Variants in ANKFY1 observed in about 807,000 individuals in gnomAD.
The protein encoded by ANKFY1 is ankyrin repeat and FYVE domain containing 1.
In ANKFY1, 47 loss-of-function variants were observed where a neutral mutation model predicts 128.3. The ratio of observed to expected loss-of-function variants is 0.37; its 90% CI spans 0.29 to 0.47. ANKFY1 has a LOEUF of 0.47. Ranked by LOEUF, ANKFY1 falls within the 20% of genes least tolerant of loss-of-function variation. ANKFY1 has a pLI of 1.00. For synonymous variants in ANKFY1, 553 were observed against 601.6 expected (o/e 0.92, Z 1.18); for missense variants, 1,222 against 1,510.6 (o/e 0.81, Z 3.17).
intron 3 of ANKFY1, chr17:4,222,843 C>A: frequency 1.0e-6 from 1 of 958,914 alleles, no homozygotes; most frequent in Non-Finnish European, 1.7e-6. Flanking sequence ...AGGGTTGTCT[C>A]AGCCATCCAC....
At chr17:4,186,119 G>A (rs1012037279) in intron 11 of ANKFY1, among the ~76,000 whole-genome samples, 1 of 152,096 alleles carries the variant, frequency 6.6e-6, no homozygotes, top group African/African-American at 2.4e-5. Context: ...GAAAACACAC[G>A]TATGCACACA....
At chr17:4,240,064 C>CTT (rs11290920) in intron 2 of ANKFY1, among the ~76,000 whole-genome samples, 78 of 114,234 alleles carry the variant, frequency 6.8e-4, no homozygotes, top group African/African-American at 2.0e-3. Flanking sequence ...ATTAGCATGC[C>CTT]TTTTTTTTTT....
chr17:4,170,270 TA>T (rs2059292130), intron 23 of ANKFY1, among the ~76,000 whole-genome samples: 1 of 151,904 alleles, frequency 6.6e-6, no homozygotes, highest in Admixed American at 6.5e-5. Flanking sequence ...CAGGGAAGAG[TA>T]AAGATTCACA....
chr17:4,203,839 A>G (rs2059976792), intron 7 of ANKFY1, among the ~76,000 whole-genome samples: 1 of 142,828 alleles, frequency 7.0e-6, no homozygotes, highest in Admixed American at 7.2e-5. Context: ...AAAAAAAAAA[A>G]AAAAAGAAAG....
intron 11 of ANKFY1, 29 bp from the exon 12 acceptor site, chr17:4,185,075 A>G: frequency 6.3e-7 from 1 of 1,589,754 alleles, no homozygotes; most frequent in Non-Finnish European, 8.6e-7. Flanking sequence ...CCGAAATCTG[A>G]GCACTCACAG....
At chr17:4,202,640 T>A (rs1464239293) in intron 7 of ANKFY1, among the ~76,000 whole-genome samples, 1 of 131,102 alleles carries the variant, frequency 7.6e-6, no homozygotes, top group Non-Finnish European at 1.5e-5. Flanking sequence ...GAGCTTGCAG[T>A]GAGTCGAGAT....
chr17:4,191,311 C>T (rs139135689), intron 10 of ANKFY1: 8 of 150,428 alleles, frequency 5.3e-5, no homozygotes, highest in South Asian at 2.1e-4. Flanking sequence ...AATCTGGAGA[C>T]GCCTAGTTGA....
At position 4,263,925 on chromosome 17, in the gene ANKFY1, A is replaced by T. The variant is rs757791722; in HGVS notation, c.10+7T>A. 1.2e-6 allele frequency: 2 copies of T among 1,613,696 alleles called. No homozygotes were observed. Among genetic ancestry groups the T allele is most frequent in the African/African-American group, 2.7e-5 (2 of 74,890 alleles). On this transcript the variant is annotated splice_region_variant and intron_variant, in intron 1 of 24. Coordinates refer to ENST00000341657, the MANE Select transcript of ANKFY1 (RefSeq NM_001330063.2). ...TCTTCCCGCGCGGCTCCACAAAAAA[A>T]CCCTACCTTCCGCCATGTCTGGCCC...
At chr17:4,196,947 C>T (rs2059835659) in intron 8 of ANKFY1, among the ~76,000 whole-genome samples, 1 of 152,200 alleles carries the variant, frequency 6.6e-6, no homozygotes, top group Non-Finnish European at 1.5e-5. Flanking sequence ...TGGCAAAACC[C>T]TGTCTCCACC....
chr17:4,223,103 A>G (rs984757392), intron 3 of ANKFY1: 4 of 732,966 alleles, frequency 5.5e-6, no homozygotes, highest in Non-Finnish European at 9.9e-6. Flanking sequence ...ATCCAAATAA[A>G]GAAAAACAAG....
intron 11 of ANKFY1, among the ~76,000 whole-genome samples, chr17:4,185,483 G>A (rs924239127): frequency 1.3e-4 from 19 of 151,496 alleles, no homozygotes; most frequent in African/African-American, 4.1e-4. Flanking sequence ...GATTACAAGC[G>A]TGAGCCACCA....
Position 4,197,276 on chromosome 17 carries a change from A to T in ANKFY1, c.1103+97T>A. ...TGAAAATAAGACTGAATAATGCCAA[A>T]CTAAAGAACATGAACTCCCCGTATG... On this transcript the variant is annotated intron_variant, in intron 8 of 24. Coordinates refer to ENST00000341657, the MANE Select transcript of ANKFY1 (RefSeq NM_001330063.2). 3 of 1,305,218 alleles carry T rather than the reference A, an allele frequency of 2.3e-6. No homozygotes were observed. In the South Asian group the frequency reaches 3.8e-5, roughly 16 times the overall value. The allele number at this position is 1,305,218 out of a possible 1,614,324, so 80.9% of individuals were successfully genotyped here. A position where few individuals can be genotyped will look rare whatever the true frequency, so the allele number is the denominator to read the frequency against.
intron 3 of ANKFY1, among the ~76,000 whole-genome samples, chr17:4,235,330 G>C (rs1966871807): frequency 9.8e-6 from 1 of 101,524 alleles, no homozygotes; most frequent in Non-Finnish European, 1.9e-5. Flanking sequence ...AACAGAGTGA[G>C]ACTCTGTCTC....
At position 4,206,375 on chromosome 17, in the gene ANKFY1, C is replaced by T. The variant is rs1355584295; in HGVS notation, c.844G>A (p.Val282Met). 6.2e-7 allele frequency: 1 copy of T among 1,614,230 alleles called. No individual in the cohort carries two copies. Among genetic ancestry groups the T allele is most frequent in the Non-Finnish European group, 8.5e-7 (1 of 1,180,034 alleles). Residue 282 changes from valine (V) to methionine (M), a missense_variant, in exon 7 of 25, where the codon GTG becomes ATG. By Grantham distance (21) the Val-to-Met change is conservative (BLOSUM62 1). Coordinates refer to ENST00000341657, the MANE Select transcript of ANKFY1 (RefSeq NM_001330063.2). ...ATTLVSHKAD[V>M]DMVDKSGWSL... ...CAGCCACTCTTGTCCACCATGTCCA[C>T]ATCAGCTTTGTGACTAACCAGCGTG...
rs1231435070 is a variant in ANKFY1 at position 4,254,159 on chromosome 17, CCAGG to C, written c.10+9769_10+9772del. Among the ~76,000 whole-genome samples, 4 of 152,038 alleles carry C rather than the reference CCAGG, an allele frequency of 2.6e-5. No individual in the cohort carries two copies. In the East Asian group the frequency reaches 5.8e-4, roughly 22 times the overall value. On this transcript the variant is annotated intron_variant, in intron 1 of 24. Transcript: ENST00000341657. ...TCTCTACTAAAAATACAAAAATTAG[CCAGG>C]TGTGGTGGCAGGCGCCTGTAGTCCC... is the stretch of plus-strand genomic sequence containing the variant.
At chr17:4,225,609 G>A (rs1000674767) in intron 3 of ANKFY1, among the ~76,000 whole-genome samples, 104 of 151,980 alleles carry the variant, frequency 6.8e-4, no homozygotes, top group African/African-American at 2.5e-3. Flanking sequence ...TAAAAATTCT[G>A]GACAGAGTAC....
At chr17:4,210,053 C>T in intron 4 of ANKFY1, 106 bp from the exon 5 acceptor site, 1 of 1,049,464 alleles carries the variant, frequency 9.5e-7, no homozygotes. Flanking sequence ...CTATTAATAA[C>T]ACTATGGGAT....
In ANKFY1 at chr17:4,169,307, G is replaced by A. The variant is rs769494277; in HGVS notation, c.3287-19C>T. The stretch of plus-strand genomic sequence containing the variant: ...AGCATATCTGCAACACAGGGGGGAG[G>A]CCCGGTCCCGTCAAACCGCGACGGC... On this transcript the variant is annotated intron_variant, in intron 23 of 24. Coordinates refer to ENST00000341657, the MANE Select transcript of ANKFY1 (RefSeq NM_001330063.2). The surrounding 1 kb of genome is among the most constrained non-coding windows in gnomAD (Gnocchi z 5.0). The A allele has an allele frequency of 5.9e-6, 9 of 1,534,324 alleles. No individual in the cohort carries two copies. Among genetic ancestry groups the A allele is most frequent in the Non-Finnish European group, 7.9e-6 (9 of 1,134,222 alleles).
intron 1 of ANKFY1, among the ~76,000 whole-genome samples, chr17:4,250,439 T>G (rs1319874835): frequency 1.3e-5 from 2 of 152,170 alleles, no homozygotes; most frequent in African/African-American, 4.8e-5. Flanking sequence ...TATTTAGAGA[T>G]AAACTTAACA....
Sources: allele counts gnomAD v4.1 joint callset (sites outside exome capture counted in the v4.1 genomes callset), GRCh38; gene constraint gnomAD v4.1.1; non-coding constraint Gnocchi (gnomAD v3.1); transcripts MANE v1.5; gene names NCBI Gene and HGNC (gene_info 2026-07-23, HGNC 2026-07-21).